The following OXR1 variants were observed in gnomAD, a reference collection of about 807,000 sequenced individuals.
OXR1 encodes oxidation resistance protein 1.
Under a neutral mutation model 104.6 loss-of-function variants are expected in OXR1, and 41 were observed. The observed-to-expected ratio is 0.39, with a 90% CI of 0.31 to 0.51. The LOEUF (loss-of-function observed/expected upper bound fraction) is 0.51, where lower values mean the gene tolerates loss of function less well. Among genes scored for constraint, OXR1 ranks in the 20% least tolerant of loss-of-function variants. The probability of loss-of-function intolerance (pLI) is 0.77; values close to 1 mark genes in which losing one functional copy is unlikely to be tolerated. For synonymous variants in OXR1, 348 were observed against 348.4 expected (o/e 1.00, Z 0.01); for missense variants, 955 against 1,031.9 (o/e 0.93, Z 1.02).
intron 2 of OXR1, among the ~76,000 whole-genome samples, chr8:106,518,665 A>G (rs1813033196): frequency 6.6e-6 from 1 of 152,352 alleles, no homozygotes; most frequent in South Asian, 2.1e-4. Flanking sequence ...CTTTGACACT[A>G]TATTTTAATT....
chr8:106,590,535 C>T (rs1217260871), intron 3 of OXR1, among the ~76,000 whole-genome samples: 1 of 152,212 alleles, frequency 6.6e-6, no homozygotes, highest in Non-Finnish European at 1.5e-5. Flanking sequence ...GTCTGCCCGC[C>T]TTGGCTTCCC....
intron 2 of OXR1, among the ~76,000 whole-genome samples, chr8:106,514,736 A>G (rs1812752377): frequency 6.6e-6 from 1 of 152,142 alleles, no homozygotes; most frequent in South Asian, 2.1e-4. Context: ...ATGAGACTTT[A>G]GATCAATTCT....
intron 3 of OXR1, among the ~76,000 whole-genome samples, chr8:106,562,593 A>T (rs1257855356): frequency 6.6e-6 from 1 of 152,184 alleles, no homozygotes; most frequent in Non-Finnish European, 1.5e-5. Context: ...AAGATAGGCC[A>T]ATATTCAAAT....
intron 2 of OXR1, among the ~76,000 whole-genome samples, chr8:106,509,739 AG>A (rs1235820342): frequency 6.6e-6 from 1 of 152,294 alleles, no homozygotes; most frequent in East Asian, 1.9e-4. Flanking sequence ...ATGGTGGAGA[AG>A]AAACTGTTTC....
intron 2 of OXR1, among the ~76,000 whole-genome samples, chr8:106,446,941 A>G (rs535267855): frequency 6.6e-6 from 1 of 152,132 alleles, no homozygotes; most frequent in Non-Finnish European, 1.5e-5. Flanking sequence ...CCAAACCAAA[A>G]CAGAAAAAAC....
intron 2 of OXR1, among the ~76,000 whole-genome samples, chr8:106,466,733 C>T (rs1586677924): frequency 6.6e-6 from 1 of 151,794 alleles, no homozygotes; most frequent in Non-Finnish European, 1.5e-5. Context: ...AAAACACATA[C>T]CACAGTGTTG....
chr8:106,691,615 T>TGTAC (rs1829285306), intron 6 of OXR1, among the ~76,000 whole-genome samples: 1 of 67,854 alleles, frequency 1.5e-5, no homozygotes, highest in East Asian at 6.1e-4. Flanking sequence ...TGCACATATA[T>TGTAC]ATACATATAT....
intron 3 of OXR1, among the ~76,000 whole-genome samples, chr8:106,545,414 C>T (rs16874846): frequency 0.19 from 28,781 of 151,966 alleles, 2,979 homozygotes; most frequent in African/African-American, 0.27. Context: ...TTTAGAAGTC[C>T]GTTTTATACT....
At chr8:106,399,124 C>G (rs1356369175) in intron 2 of OXR1, among the ~76,000 whole-genome samples, 1 of 152,120 alleles carries the variant, frequency 6.6e-6, no homozygotes, top group African/African-American at 2.4e-5. Context: ...GTGGAAGTAA[C>G]TACCACTTAG....
At chr8:106,439,125 C>T (rs1237679064) in intron 2 of OXR1, among the ~76,000 whole-genome samples, 1 of 152,100 alleles carries the variant, frequency 6.6e-6, no homozygotes, top group Non-Finnish European at 1.5e-5. Context: ...TTCTGCGTCT[C>T]TTTAAAATTC....
At chr8:106,532,142 G>C (rs575102741) in intron 3 of OXR1, among the ~76,000 whole-genome samples, 1 of 152,182 alleles carries the variant, frequency 6.6e-6, no homozygotes, top group Admixed American at 6.5e-5. Context: ...TGGAATTTGG[G>C]CTTACTCTTG....
chr8:106,573,827 CACA>C (rs991172105), intron 3 of OXR1, among the ~76,000 whole-genome samples: 5 of 152,090 alleles, frequency 3.3e-5, no homozygotes, highest in African/African-American at 1.2e-4. Context: ...TAAAAGTATT[CACA>C]ACATTTTCTC....
intron 14 of OXR1, 138 bp from the exon 15 acceptor site, chr8:106,742,084 T>C: frequency 1.7e-6 from 1 of 591,768 alleles, no homozygotes; most frequent in South Asian, 2.1e-5. Context: ...CTAACCATTT[T>C]TCCCTTTTTA....
At chr8:106,680,424 C>G (rs1192818648) in intron 4 of OXR1, among the ~76,000 whole-genome samples, 1 of 152,080 alleles carries the variant, frequency 6.6e-6, no homozygotes, top group African/African-American at 2.4e-5. Context: ...CCTAAGAAAT[C>G]ATGTCACTCA....
At chr8:106,566,743 G>A (rs1184752057) in intron 3 of OXR1, among the ~76,000 whole-genome samples, 1 of 152,136 alleles carries the variant, frequency 6.6e-6, no homozygotes. Flanking sequence ...ATGTTAGACT[G>A]GATAAAGAAA....
At chr8:106,512,430 G>T (rs562378602) in intron 2 of OXR1, among the ~76,000 whole-genome samples, 2 of 151,364 alleles carry the variant, frequency 1.3e-5, no homozygotes, top group Non-Finnish European at 3.0e-5. Flanking sequence ...AATATCTTAG[G>T]ACTATAATAA....
At chr8:106,426,540 T>C (rs1819128695) in intron 2 of OXR1, among the ~76,000 whole-genome samples, 1 of 152,184 alleles carries the variant, frequency 6.6e-6, no homozygotes, top group Non-Finnish European at 1.5e-5. Flanking sequence ...ATTGGGTCAT[T>C]GAGTAATTTC....
At chr8:106,695,225 T>C (rs1296812588) in intron 7 of OXR1, among the ~76,000 whole-genome samples, 1 of 151,604 alleles carries the variant, frequency 6.6e-6, no homozygotes, top group African/African-American at 2.4e-5. Context: ...CACTTACTTA[T>C]TCCCTACACT....
chr8:106,527,198 C>T (rs1813750530), intron 3 of OXR1, among the ~76,000 whole-genome samples: 1 of 152,150 alleles, frequency 6.6e-6, no homozygotes, highest in Non-Finnish European at 1.5e-5. Flanking sequence ...ATTTAAAGTA[C>T]TTATATTAGT....
Sources: gnomAD v4.1 joint callset for allele counts (sites outside exome capture counted in the v4.1 genomes callset) on GRCh38, gnomAD v4.1.1 for gene constraint, MANE v1.5 for transcripts, NCBI Gene and HGNC (gene_info 2026-07-23, HGNC 2026-07-21) for gene names.